Variants in PPP1R37 observed in about 807,000 individuals in gnomAD.
PPP1R37 encodes leucine rich repeat containing 68.
A neutral mutation model predicts 61.0 loss-of-function variants in PPP1R37; 21 were observed. The observed-to-expected ratio is 0.34, with a 90% CI of 0.24 to 0.50. The LOEUF (loss-of-function observed/expected upper bound fraction) is 0.50, where lower values mean the gene tolerates loss of function less well. Among genes scored for constraint, PPP1R37 ranks in the 20% least tolerant of loss-of-function variants. The pLI is 0.98. For missense variants in PPP1R37, 910 were observed against 952.7 expected, an observed-to-expected ratio of 0.96 and a Z score of 0.59; for synonymous variants, 443 against 433.5, an observed-to-expected ratio of 1.02 and a Z score of -0.27.
chr19:45,145,480 C>A lies in PPP1R37; in HGVS notation c.1424C>A (p.Pro475His), dbSNP rs549046469. 2.2e-3 allele frequency: 3,446 copies of A among 1,534,800 alleles called. 102 individuals carry two copies. Among genetic ancestry groups the A allele is most frequent in the Non-Finnish European group, 4.0e-4 (460 of 1,146,484 alleles). The change falls in exon 11 of 13, where the codon CCT (proline) becomes CAT (histidine). Residue 475 changes from proline (P) to histidine (H), a missense_variant. Physicochemically the swap from Pro to His is moderately conservative, Grantham distance 77. Transcript: ENST00000221462. ...CCGCCACAGCTGTCGGCCTCCATGC[C>A]TGAGACCACCGCCACCGAGCCCCAG... ...EQPPQLSASM[P>H]ETTATEPQPD...
chr19:45,104,479 G>A (rs1257569061), intron 1 of PPP1R37, among the ~76,000 whole-genome samples: 3 of 152,198 alleles, frequency 2.0e-5, no homozygotes, highest in East Asian at 3.8e-4. Flanking sequence ...CGTTCACTGA[G>A]TCCTTTTTTC....
intron 1 of PPP1R37, among the ~76,000 whole-genome samples, chr19:45,110,918 A>C (rs1260537451): frequency 1.3e-5 from 2 of 152,178 alleles, no homozygotes; most frequent in Non-Finnish European, 2.9e-5. Context: ...GTGGCCCGAA[A>C]TAGCCTGCCT....
intron 1 of PPP1R37, among the ~76,000 whole-genome samples, chr19:45,123,558 A>T (rs954538629): frequency 6.6e-6 from 1 of 152,158 alleles, no homozygotes; most frequent in African/African-American, 2.4e-5. Context: ...CTCTGGTTCA[A>T]ACCTCCCTCT....
intron 1 of PPP1R37, among the ~76,000 whole-genome samples, chr19:45,126,325 G>A (rs982293165): frequency 6.6e-6 from 1 of 152,210 alleles, no homozygotes; most frequent in Non-Finnish European, 1.5e-5. Context: ...TGTGTGCCTT[G>A]TGGTGCTGAG....
At chr19:45,097,898 T>C (rs1275996164) in intron 1 of PPP1R37, among the ~76,000 whole-genome samples, 1 of 152,106 alleles carries the variant, frequency 6.6e-6, no homozygotes, top group Non-Finnish European at 1.5e-5. Flanking sequence ...CAGAGTGACA[T>C]GTAGCTGAAT....
chr19:45,137,847 A>C (rs1307660784), intron 1 of PPP1R37, among the ~76,000 whole-genome samples: 3 of 151,444 alleles, frequency 2.0e-5, no homozygotes, highest in African/African-American at 4.8e-5. Flanking sequence ...AAAAAAAAAA[A>C]CAAACCAAGG....
In PPP1R37 at chr19:45,146,741, T is replaced by C; in HGVS notation, c.*179T>C. 2.3e-6 allele frequency: 1 copy of C among 427,062 alleles called. No individual in the cohort carries two copies. The allele number at this position is 427,062 out of a possible 1,614,324, so 26.5% of individuals were successfully genotyped here. A position where few individuals can be genotyped will look rare whatever the true frequency, so the allele number is the denominator to read the frequency against. ...GTGCAGGAGCTACAGGGAGTGGCCC[T>C]CCGCGCGTGACTCAAGCACTTCTAT... is the stretch of plus-strand genomic sequence containing the variant. On this transcript the variant is annotated 3_prime_UTR_variant, in exon 13 of 13. Coordinates refer to ENST00000221462, the MANE Select transcript of PPP1R37 (RefSeq NM_019121.2).
chr19:45,131,118 C>G (rs868347601), intron 1 of PPP1R37, among the ~76,000 whole-genome samples: 1 of 152,236 alleles, frequency 6.6e-6, no homozygotes, highest in South Asian at 2.1e-4. Flanking sequence ...ATCTCTCTGC[C>G]TGTCACCTGA....
chr19:45,137,268 C>T (rs1315870603), intron 1 of PPP1R37, among the ~76,000 whole-genome samples: 5 of 152,230 alleles, frequency 3.3e-5, no homozygotes, highest in Admixed American at 1.3e-4. Context: ...TTCCTGTCAG[C>T]TGGTGAATGG....
intron 2 of PPP1R37, among the ~76,000 whole-genome samples, chr19:45,139,648 G>A (rs1434188507): frequency 2.0e-5 from 3 of 152,260 alleles, no homozygotes; most frequent in Non-Finnish European, 4.4e-5. Context: ...TTCCAGAAGA[G>A]GGGCTTGTCA....
chr19:45,146,197 ACCCTGCTT>A, intron 11 of PPP1R37, 148 bp downstream of exon 11: 1 of 992,480 alleles, frequency 1.0e-6, no homozygotes, highest in Non-Finnish European at 1.4e-6. Context: ...TCTCATCTCC[ACCCTGCTT>A]CCCTTGGGTC....
intron 1 of PPP1R37, among the ~76,000 whole-genome samples, chr19:45,094,834 G>A (rs77296283): frequency 0.11 from 16,898 of 152,260 alleles, 1,310 homozygotes; most frequent in Non-Finnish European, 0.17. Context: ...TGAAGTGTTG[G>A]GAGAGAGGGC....
chr19:45,129,362 C>T (rs914539544), intron 1 of PPP1R37, among the ~76,000 whole-genome samples: 1 of 152,136 alleles, frequency 6.6e-6, no homozygotes, highest in Non-Finnish European at 1.5e-5. Flanking sequence ...GCACGGGGCA[C>T]CATCTCGGCT....
At chr19:45,140,186 G>GCCC (rs776418108) in intron 2 of PPP1R37, 50 bp from the exon 3 acceptor site, 1 of 1,488,980 alleles carries the variant, frequency 6.7e-7, no homozygotes, top group South Asian at 1.2e-5. Context: ...GGCCTCGGCT[G>GCCC]CCCCCCTGTT....
At chr19:45,115,108 A>G (rs1184942108) in intron 1 of PPP1R37, among the ~76,000 whole-genome samples, 1 of 152,210 alleles carries the variant, frequency 6.6e-6, no homozygotes, top group Non-Finnish European at 1.5e-5. Flanking sequence ...AGCAGTGGCA[A>G]GGCAAGCCCG....
At position 45,145,203 on chromosome 19, in the gene PPP1R37, C is replaced by G. The variant is rs1403706747; in HGVS notation, c.1239C>G (p.Leu413=). ...TGGLMALSLA[L]KVNHSLLRLD... ...GGCTCATGGCACTGTCGTTGGCCCT[C>G]AAGGTGAACCACTCACTGCTGCGCC... Residue 413 remains leucine, a synonymous_variant, in exon 10 of 13, where the codon CTC becomes CTG. Coordinates refer to ENST00000221462, the MANE Select transcript of PPP1R37 (RefSeq NM_019121.2). 3 of 1,535,096 alleles carry G rather than the reference C, an allele frequency of 2.0e-6. No individual in the cohort carries two copies. Among genetic ancestry groups the G allele is most frequent in the Non-Finnish European group, 2.6e-6 (3 of 1,146,530 alleles).
chr19:45,105,872 A>G (rs909233439), intron 1 of PPP1R37, among the ~76,000 whole-genome samples: 1 of 152,232 alleles, frequency 6.6e-6, no homozygotes, highest in African/African-American at 2.4e-5. Flanking sequence ...GCAGGTGTTC[A>G]GTAAATGTTG....
chr19:45,129,089 C>G (rs994827946), intron 1 of PPP1R37: 5 of 601,676 alleles, frequency 8.3e-6, no homozygotes, highest in Non-Finnish European at 1.6e-5. Flanking sequence ...GCAGAGGCCC[C>G]CTCCTCTGGC....
At chr19:45,108,125 A>T (rs1763320549) in intron 1 of PPP1R37, among the ~76,000 whole-genome samples, 2 of 152,152 alleles carry the variant, frequency 1.3e-5, no homozygotes, top group African/African-American at 4.8e-5. Context: ...GTGAGTGTTG[A>T]GGGCTAGGGT....
Sources: gnomAD v4.1 joint callset for allele counts (sites outside exome capture counted in the v4.1 genomes callset) on GRCh38, gnomAD v4.1.1 for gene constraint, MANE v1.5 for transcripts, NCBI Gene and HGNC (gene_info 2026-07-23, HGNC 2026-07-21) for gene names.